Variants in MTSS1 observed in about 807,000 individuals in gnomAD.
The protein encoded by MTSS1 is MTSS I-BAR domain containing 1.
A neutral mutation model predicts 79.0 loss-of-function variants in MTSS1; 18 were observed. The ratio of observed to expected loss-of-function variants is 0.23; its 90% CI spans 0.16 to 0.34. The LOEUF (loss-of-function observed/expected upper bound fraction) is 0.34. MTSS1 is among the 10% of genes least tolerant of loss of function. The pLI is 1.00. For missense variants in MTSS1, 815 were observed against 986.2 expected (o/e 0.83, Z 2.33); for synonymous variants, 341 against 368.6 (o/e 0.93, Z 0.86).
chr8:124,628,102 G>C (rs573939405), intron 3 of MTSS1, among the ~76,000 whole-genome samples: 4 of 152,306 alleles, frequency 2.6e-5, no homozygotes, highest in African/African-American at 9.6e-5. Context: ...GGGAGATGGA[G>C]GTTGCAGTGA....
At chr8:124,668,100 A>T (rs1823452063) in intron 3 of MTSS1, among the ~76,000 whole-genome samples, 1 of 152,140 alleles carries the variant, frequency 6.6e-6, no homozygotes, top group African/African-American at 2.4e-5. Flanking sequence ...AAACAAAAAA[A>T]GTCTCCAAGG....
intron 3 of MTSS1, among the ~76,000 whole-genome samples, chr8:124,627,958 G>A (rs1815061948): frequency 6.6e-6 from 1 of 152,220 alleles, no homozygotes; most frequent in Non-Finnish European, 1.5e-5. Flanking sequence ...CTTGAGGTCA[G>A]GAGTTAGAGA....
At chr8:124,558,859 G>C in intron 10 of MTSS1, 1 of 1,529,140 alleles carries the variant, frequency 6.5e-7, no homozygotes, top group Non-Finnish European at 8.7e-7. Flanking sequence ...GCCACACGAG[G>C]GGACCAACAG....
chr8:124,636,951 G>C (rs574775425), intron 3 of MTSS1, among the ~76,000 whole-genome samples: 2 of 152,304 alleles, frequency 1.3e-5, no homozygotes, highest in East Asian at 3.9e-4. Context: ...GAAGTGTCCA[G>C]CTCTGAACTA....
At chr8:124,571,645 T>A (rs2132183456) in intron 6 of MTSS1, among the ~76,000 whole-genome samples, 1 of 152,142 alleles carries the variant, frequency 6.6e-6, no homozygotes, top group African/African-American at 2.4e-5. Context: ...TCGGTGGGCT[T>A]TGATTATGGT....
At chr8:124,658,572 G>A (rs897730464) in intron 3 of MTSS1, among the ~76,000 whole-genome samples, 4 of 152,214 alleles carry the variant, frequency 2.6e-5, no homozygotes, top group Non-Finnish European at 4.4e-5. Context: ...CAGGAAGCAC[G>A]GCAGCTTCTG....
chr8:124,664,920 C>T (rs1433013489), intron 3 of MTSS1, among the ~76,000 whole-genome samples: 1 of 152,182 alleles, frequency 6.6e-6, no homozygotes, highest in Non-Finnish European at 1.5e-5. Flanking sequence ...TTCATTCTTT[C>T]CCCCCGACAT....
At chr8:124,684,438 G>A (rs1231328788) in intron 3 of MTSS1, among the ~76,000 whole-genome samples, 1 of 152,176 alleles carries the variant, frequency 6.6e-6, no homozygotes, top group Non-Finnish European at 1.5e-5. Context: ...TGAGTTGCAA[G>A]CATAAAGAAA....
chr8:124,585,108 G>A lies in MTSS1; in HGVS notation c.439C>T (p.Leu147=), dbSNP rs756591955. ...TTACCTTTTTTTGCTTTCTTCTGCAGTTTCAGCGTATCCGAGGACTTCTTT... is the reference window on the plus strand; with the variant it reads ...TTACCTTTTTTTGCTTTCTTCTGCAATTTCAGCGTATCCGAGGACTTCTTT... ...IKKKSSDTLK[L]QKKAKKGRGD... is the part of the protein sequence containing the mutation. The change falls in exon 6 of 14, where the codon CTG becomes TTG. Residue 147 remains leucine (L), a synonymous_variant. Transcript: ENST00000518547. The A allele has an allele frequency of 2.5e-6, 4 of 1,613,544 alleles. No homozygotes were observed. Among genetic ancestry groups the A allele is most frequent in the Non-Finnish European group, 3.4e-6 (4 of 1,179,886 alleles).
intron 3 of MTSS1, among the ~76,000 whole-genome samples, chr8:124,601,988 A>G (rs764495593): frequency 2.0e-5 from 3 of 151,994 alleles, no homozygotes; most frequent in Admixed American, 1.3e-4. Context: ...AGGAAGCTCA[A>G]TTCTTAGGCC....
At chr8:124,613,992 T>C (rs1836357860) in intron 3 of MTSS1, among the ~76,000 whole-genome samples, 1 of 151,934 alleles carries the variant, frequency 6.6e-6, no homozygotes, top group Non-Finnish European at 1.5e-5. Flanking sequence ...TGAGACCTCA[T>C]TTCCACAAAA....
chr8:124,591,347 C>G, intron 3 of MTSS1, 112 bp from the exon 4 acceptor site: 1 of 851,758 alleles, frequency 1.2e-6, no homozygotes, highest in Admixed American at 2.0e-5. Context: ...AAATATAAGC[C>G]ACCATCTTTA....
At chr8:124,635,675 C>G (rs1027523553) in intron 3 of MTSS1, among the ~76,000 whole-genome samples, 1 of 152,164 alleles carries the variant, frequency 6.6e-6, no homozygotes, top group African/African-American at 2.4e-5. Context: ...CATCTTTACA[C>G]TCTCCATAGC....
At chr8:124,635,474 C>G (rs965628843) in intron 3 of MTSS1, among the ~76,000 whole-genome samples, 3 of 152,228 alleles carry the variant, frequency 2.0e-5, no homozygotes, top group Admixed American at 2.0e-4. Context: ...TCTATGTCAA[C>G]AGAGACATCT....
In MTSS1 at chr8:124,556,554, C is replaced by G. The variant is rs1259387232; in HGVS notation, c.1231-149G>C. The G allele has an allele frequency of 4.7e-6, 4 of 845,918 alleles. No homozygotes were observed. The East Asian group carries it at 1.1e-4, about 23-fold the overall frequency. The allele number at this position is 845,918 out of a possible 1,614,324, so 52.4% of individuals were successfully genotyped here. On this transcript the variant is annotated intron_variant, in intron 11 of 13. Coordinates refer to ENST00000518547, the MANE Select transcript of MTSS1 (RefSeq NM_014751.6). Reference sequence around the variant, plus strand: ...AAGCCACAGGCCCTCTGCATGCCCTCTCCAGGCTCTAAAGGGCAAGGAATG... The same window carrying G: ...AAGCCACAGGCCCTCTGCATGCCCTGTCCAGGCTCTAAAGGGCAAGGAATG...
chr8:124,630,711 A>G (rs1219310915), intron 3 of MTSS1, among the ~76,000 whole-genome samples: 1 of 152,234 alleles, frequency 6.6e-6, no homozygotes, highest in Admixed American at 6.5e-5. Flanking sequence ...TCTCATTTGT[A>G]GGGCAGTACC....
intron 3 of MTSS1, among the ~76,000 whole-genome samples, chr8:124,601,062 ATTTTTTTTT>A (rs35966615): frequency 6.8e-5 from 6 of 88,662 alleles, no homozygotes; most frequent in African/African-American, 2.0e-4. Context: ...CTTGACTGTA[ATTTTTTTTT>A]TTTTTTTTTT....
intron 3 of MTSS1, among the ~76,000 whole-genome samples, chr8:124,632,174 G>A (rs1205692609): frequency 6.6e-6 from 1 of 150,968 alleles, no homozygotes; most frequent in Non-Finnish European, 1.5e-5. Flanking sequence ...AGCTACTTGG[G>A]AGGCTGAGGC....
chr8:124,693,133 C>A (rs1393049851), intron 3 of MTSS1, among the ~76,000 whole-genome samples: 3 of 152,018 alleles, frequency 2.0e-5, no homozygotes, highest in African/African-American at 7.3e-5. Flanking sequence ...AAGGGGAGGG[C>A]TGGAAAGGAC....
Sources: gnomAD v4.1 joint callset for allele counts (sites outside exome capture counted in the v4.1 genomes callset) on GRCh38, gnomAD v4.1.1 for gene constraint, MANE v1.5 for transcripts, NCBI Gene and HGNC (gene_info 2026-07-23, HGNC 2026-07-21) for gene names.